SGCD: variants seen among roughly 807,000 people sequenced by gnomAD.
The protein encoded by SGCD is delta-sarcoglycan.
SGCD carries 18 observed loss-of-function variants against 36.6 expected under a neutral mutation model. The ratio of observed to expected loss-of-function variants is 0.49; its 90% CI spans 0.34 to 0.73. SGCD has a LOEUF of 0.73. SGCD is among the 30% of genes least tolerant of loss of function. The pLI, the probability that SGCD is intolerant of heterozygous loss-of-function variation, is 0.01. For missense variants in SGCD, 387 were observed against 346.7 expected (o/e 1.12, Z -0.92); for synonymous variants, 133 against 130.6 (o/e 1.02, Z -0.12).
intron 1 of SGCD, among the ~76,000 whole-genome samples, chr5:156,097,482 C>A (rs1440328380): frequency 6.6e-6 from 1 of 151,996 alleles, no homozygotes; most frequent in Non-Finnish European, 1.5e-5. Context: ...GAGATTCTGT[C>A]CTTCATCTTC....
rs192428451 is a variant in SGCD at position 155,889,216 on chromosome 5, A to G, written c.-282+18792A>G. ...ATATTGATTCCAGGAAGAAACAAGT[A>G]AATGAACTTACCCACGTAGAGGAAA... On this transcript the variant is annotated intron_variant, in intron 1 of 9. Transcript: ENST00000517913. Among the ~76,000 whole-genome samples, 7 of 152,362 alleles carry G rather than the reference A, an allele frequency of 4.6e-5. No homozygotes were observed. The East Asian group carries it at 5.8e-4, about 13-fold the overall frequency.
intron 7 of SGCD, among the ~76,000 whole-genome samples, chr5:156,733,408 C>T (rs1026157143): frequency 2.6e-5 from 4 of 151,896 alleles, no homozygotes; most frequent in African/African-American, 4.8e-5. Flanking sequence ...AGTCATTTTG[C>T]GTCTGCTGAG....
At chr5:156,749,975 A>G (rs1757091132) in intron 7 of SGCD, among the ~76,000 whole-genome samples, 1 of 152,198 alleles carries the variant, frequency 6.6e-6, no homozygotes, top group South Asian at 2.1e-4. Flanking sequence ...AAAAAAAATG[A>G]AATATTTTCA....
At chr5:156,427,084 G>A (rs1328526473) in intron 3 of SGCD, among the ~76,000 whole-genome samples, 1 of 151,980 alleles carries the variant, frequency 6.6e-6, no homozygotes, top group African/African-American at 2.4e-5. Flanking sequence ...GTGAAGAATG[G>A]TGATGATATT....
intron 1 of SGCD, among the ~76,000 whole-genome samples, chr5:155,920,574 C>G (rs926096249): frequency 1.3e-5 from 2 of 152,096 alleles, no homozygotes; most frequent in African/African-American, 4.8e-5. Context: ...AAAAACAGAG[C>G]CAGTATTTAG....
At chr5:156,374,038 A>ATTTTATTT (rs1770528495) in intron 3 of SGCD, among the ~76,000 whole-genome samples, 1 of 151,786 alleles carries the variant, frequency 6.6e-6, no homozygotes, top group Non-Finnish European at 1.5e-5. Flanking sequence ...CGGACATTTT[A>ATTTTATTT]TTTTATTTTT....
At chr5:156,102,284 G>A (rs1469079960) in intron 1 of SGCD, among the ~76,000 whole-genome samples, 1 of 151,972 alleles carries the variant, frequency 6.6e-6, no homozygotes, top group Non-Finnish European at 1.5e-5. Context: ...AACATCATCT[G>A]TTTTATACCA....
intron 4 of SGCD, among the ~76,000 whole-genome samples, chr5:156,563,279 G>C (rs1759344917): frequency 6.6e-6 from 1 of 152,150 alleles, no homozygotes; most frequent in Non-Finnish European, 1.5e-5. Context: ...ACCATGCCCA[G>C]CTGACAGACC....
At chr5:155,828,875 C>T in the SGCD span, among the ~76,000 whole-genome samples, 5 of 151,850 alleles carry the variant, frequency 3.3e-5, no homozygotes, top group Admixed American at 2.0e-4. Flanking sequence ...TTAGTAGAGA[C>T]GAGGTTTCAC....
At chr5:156,191,492 A>G (rs1304984008) in intron 3 of SGCD, among the ~76,000 whole-genome samples, 1 of 152,192 alleles carries the variant, frequency 6.6e-6, no homozygotes, top group Non-Finnish European at 1.5e-5. Flanking sequence ...TGGATTGAGC[A>G]TAAGCCTCCA....
chr5:156,382,520 C>A (rs571450968), intron 3 of SGCD, among the ~76,000 whole-genome samples: 12 of 152,226 alleles, frequency 7.9e-5, no homozygotes, highest in Non-Finnish European at 1.5e-4. Context: ...CATTTTAATA[C>A]AAATTCCGAT....
intron 1 of SGCD, among the ~76,000 whole-genome samples, chr5:156,086,373 AG>A (rs1490177790): frequency 1.3e-5 from 2 of 152,300 alleles, no homozygotes; most frequent in East Asian, 1.9e-4. Flanking sequence ...GTGCAGTGGG[AG>A]GGCAGTGACT....
chr5:156,594,881 C>T, intron 5 of SGCD, 51 bp from the exon 6 acceptor site: 1 of 1,192,852 alleles, frequency 8.4e-7, no homozygotes, highest in Non-Finnish European at 1.2e-6. Context: ...TGTTTTCTCT[C>T]TCTCTCTCTC....
chr5:156,676,199 C>A (rs1043738122), intron 7 of SGCD, among the ~76,000 whole-genome samples: 1 of 151,988 alleles, frequency 6.6e-6, no homozygotes, highest in Non-Finnish European at 1.5e-5. Context: ...TGTTCTTTAC[C>A]CTGAAAGCCA....
intron 6 of SGCD, among the ~76,000 whole-genome samples, chr5:156,611,153 T>C (rs1761784179): frequency 1.3e-5 from 2 of 152,350 alleles, no homozygotes; most frequent in Middle Eastern, 3.4e-3. Flanking sequence ...AGCTGTAGAC[T>C]GGAGCTGTTC....
At chr5:156,049,228 G>C (rs1233259400) in intron 1 of SGCD, among the ~76,000 whole-genome samples, 5 of 145,796 alleles carry the variant, frequency 3.4e-5, no homozygotes, top group South Asian at 2.2e-4. Context: ...GTTACTGTAG[G>C]CTTGTAGTAC....
chr5:155,958,917 T>A (rs1757725792), intron 1 of SGCD, among the ~76,000 whole-genome samples: 1 of 152,110 alleles, frequency 6.6e-6, no homozygotes. Context: ...TTTTTCAACC[T>A]AACTCCAAGC....
intron 3 of SGCD, among the ~76,000 whole-genome samples, chr5:156,467,565 G>A (rs1212395503): frequency 6.6e-6 from 1 of 152,214 alleles, no homozygotes; most frequent in Non-Finnish European, 1.5e-5. Context: ...TCCATAAACA[G>A]AGATGGAGCA....
intron 3 of SGCD, among the ~76,000 whole-genome samples, chr5:156,460,451 AT>A (rs1451916824): frequency 6.6e-6 from 1 of 152,210 alleles, no homozygotes; most frequent in Non-Finnish European, 1.5e-5. Flanking sequence ...CTGCAATAGA[AT>A]TCATAAAGGA....
Sources: gnomAD v4.1 joint callset for allele counts (sites outside exome capture counted in the v4.1 genomes callset) on GRCh38, gnomAD v4.1.1 for gene constraint, MANE v1.5 for transcripts, NCBI Gene and HGNC (gene_info 2026-07-23, HGNC 2026-07-21) for gene names.